Variants in MAML3 observed in about 807,000 individuals in gnomAD.
MAML3 encodes the protein mastermind-like protein 3.
In MAML3, 27 loss-of-function variants were observed where a neutral mutation model predicts 101.9. That is an observed-to-expected ratio of 0.27 (90% CI 0.20 to 0.37). The LOEUF is 0.37. MAML3 is among the 10% of genes least tolerant of loss of function. MAML3 has a pLI of 1.00. For missense variants in MAML3, 1,316 were observed against 1,444.9 expected, an observed-to-expected ratio of 0.91 and a Z score of 1.45; for synonymous variants, 501 against 555.9, an observed-to-expected ratio of 0.90 and a Z score of 1.39.
At chr4:139,931,847 TA>T (rs558806703) in intron 1 of MAML3, among the ~76,000 whole-genome samples, 1,807 of 134,710 alleles carry the variant, frequency 0.013, 7 homozygotes, top group Non-Finnish European at 0.016. Flanking sequence ...CCGTCTCTAC[TA>T]AAAAAAAAAA....
At chr4:139,861,476 G>GGTGTGTGTGT (rs1560816892) in intron 2 of MAML3, among the ~76,000 whole-genome samples, 5 of 43,200 alleles carry the variant, frequency 1.2e-4, no homozygotes, top group Non-Finnish European at 1.3e-4. Context: ...CTAACCAGCC[G>GGTGTGTGTGT]ATGTGTGTGT....
At chr4:139,905,485 C>CT (rs1732806624) in intron 1 of MAML3, among the ~76,000 whole-genome samples, 1 of 7,932 alleles carries the variant, frequency 1.3e-4, no homozygotes, top group Non-Finnish European at 1.2e-3. Context: ...GAGCAAGACT[C>CT]TGTCTCAAAA....
intron 1 of MAML3, chr4:140,133,065 G>C (rs116599841): frequency 4.5e-6 from 2 of 440,690 alleles, no homozygotes; most frequent in East Asian, 1.4e-4. Flanking sequence ...GGAGAACAGA[G>C]ATGGATTTCT....
At chr4:139,804,261 C>T (rs1730665649) in intron 2 of MAML3, among the ~76,000 whole-genome samples, 1 of 139,402 alleles carries the variant, frequency 7.2e-6, no homozygotes, top group South Asian at 2.5e-4. Flanking sequence ...CAAGTGATCT[C>T]ACTAAGGATT....
chr4:140,005,996 G>A (rs914443450), intron 1 of MAML3, among the ~76,000 whole-genome samples: 2 of 152,142 alleles, frequency 1.3e-5, no homozygotes, highest in South Asian at 2.1e-4. Flanking sequence ...AAAGCACCAG[G>A]TGGATAAACA....
At chr4:139,928,373 T>C (rs956395455) in intron 1 of MAML3, among the ~76,000 whole-genome samples, 2 of 152,218 alleles carry the variant, frequency 1.3e-5, no homozygotes, top group Non-Finnish European at 2.9e-5. Context: ...CAAAGAAATC[T>C]TAGGCCCTGC....
chr4:139,942,351 T>C (rs979582747), intron 1 of MAML3, among the ~76,000 whole-genome samples: 5 of 152,194 alleles, frequency 3.3e-5, no homozygotes, highest in Non-Finnish European at 7.3e-5. Flanking sequence ...TTAAGGCTGA[T>C]GAACACAGGG....
At chr4:140,137,967 A>T (rs1173389641) in intron 1 of MAML3, among the ~76,000 whole-genome samples, 1 of 152,244 alleles carries the variant, frequency 6.6e-6, no homozygotes, top group Non-Finnish European at 1.5e-5. Flanking sequence ...CATCTTTCTG[A>T]ACCTTCCAAT....
intron 1 of MAML3, among the ~76,000 whole-genome samples, chr4:140,119,805 G>A (rs1728576156): frequency 6.6e-6 from 1 of 151,944 alleles, no homozygotes; most frequent in Non-Finnish European, 1.5e-5. Flanking sequence ...TTGAAGACAG[G>A]ATCTCTTATG....
chr4:139,979,532 T>C (rs1734406864), intron 1 of MAML3, among the ~76,000 whole-genome samples: 1 of 152,232 alleles, frequency 6.6e-6, no homozygotes, highest in Non-Finnish European at 1.5e-5. Flanking sequence ...GGTTTGAATG[T>C]GTCCCCTCAA....
intron 1 of MAML3, among the ~76,000 whole-genome samples, chr4:139,959,183 T>G (rs1220723265): frequency 6.6e-6 from 1 of 152,240 alleles, no homozygotes; most frequent in Non-Finnish European, 1.5e-5. Context: ...ATCTCCTAGA[T>G]GAAGAAAGGC....
chr4:140,079,428 G>T (rs906094898), intron 1 of MAML3, among the ~76,000 whole-genome samples: 6 of 151,988 alleles, frequency 3.9e-5, no homozygotes, highest in African/African-American at 1.5e-4. Flanking sequence ...AGAGTAGCTG[G>T]GATTACAGGC....
In MAML3 at chr4:139,972,058, T is replaced by A. The variant is rs112432590; in HGVS notation, c.469-81091A>T. 7.7e-3 allele frequency among the ~76,000 whole-genome samples: 1,169 copies of A among 152,324 alleles called. 9 individuals carry two copies. Among genetic ancestry groups the A allele is most frequent in the South Asian group, 0.012 (60 of 4,826 alleles). On this transcript the variant is annotated intron_variant, in intron 1 of 4. Transcript: ENST00000509479. Reference sequence around the variant, plus strand: ...TACACAAAATGCTTTTCTTTTTTTTTAAAATTTCCAACTTTTAAGTTCAGG... The same window carrying A: ...TACACAAAATGCTTTTCTTTTTTTTAAAAATTTCCAACTTTTAAGTTCAGG...
intron 2 of MAML3, among the ~76,000 whole-genome samples, chr4:139,754,761 A>T (rs1729609996): frequency 6.6e-6 from 1 of 152,230 alleles, no homozygotes. Context: ...TTCAATTTTT[A>T]AAAAATGACC....
At chr4:139,943,417 GAAAC>G (rs565061799) in intron 1 of MAML3, among the ~76,000 whole-genome samples, 212 of 152,238 alleles carry the variant, frequency 1.4e-3, no homozygotes, top group African/African-American at 4.7e-3. Flanking sequence ...AAGTAGAGAA[GAAAC>G]AAACAGAGTA....
intron 1 of MAML3, among the ~76,000 whole-genome samples, chr4:140,041,831 G>T (rs538937921): frequency 2.0e-5 from 3 of 152,230 alleles, no homozygotes; most frequent in Middle Eastern, 3.4e-3. Context: ...CACACCTCTG[G>T]ATTTAAATGG....
intron 1 of MAML3, among the ~76,000 whole-genome samples, chr4:139,909,810 C>T (rs1732883871): frequency 7.7e-6 from 1 of 130,594 alleles, no homozygotes. Context: ...GCATTCCAGC[C>T]TGGGCCACAG....
intron 1 of MAML3, among the ~76,000 whole-genome samples, chr4:139,907,457 G>T (rs78839020): frequency 3.9e-5 from 6 of 152,266 alleles, no homozygotes; most frequent in Non-Finnish European, 7.4e-5. Flanking sequence ...CAGAGAACAA[G>T]AATTCATTAC....
intron 1 of MAML3, among the ~76,000 whole-genome samples, chr4:140,097,024 G>A (rs536874367): frequency 1.3e-5 from 2 of 151,908 alleles, no homozygotes; most frequent in Non-Finnish European, 2.9e-5. Flanking sequence ...AAGTAGCCAC[G>A]GCACAGGCCT....
Sources: gnomAD v4.1 joint callset for allele counts (sites outside exome capture counted in the v4.1 genomes callset) on GRCh38, gnomAD v4.1.1 for gene constraint, MANE v1.5 for transcripts, NCBI Gene and HGNC (gene_info 2026-07-23, HGNC 2026-07-21) for gene names.